RYR1: variants seen among roughly 807,000 people sequenced by gnomAD.
RYR1 encodes the protein ryanodine receptor 1, also known as central core disease of muscle.
Under a neutral mutation model 583.5 loss-of-function variants are expected in RYR1, and 342 were observed. The ratio of observed to expected loss-of-function variants is 0.59; its 90% confidence interval spans 0.54 to 0.64. The LOEUF (loss-of-function observed/expected upper bound fraction) is 0.64, where lower values mean the gene tolerates loss of function less well. Ranked by LOEUF, RYR1 falls within the 30% of genes least tolerant of loss-of-function variation. RYR1 has a pLI of 0.00. For missense variants in RYR1, 6,032 were observed against 6,917.2 expected (o/e 0.87, Z 4.54); for synonymous variants, 2,791 against 2,822.5 (o/e 0.99, Z 0.35).
intron 101 of RYR1, among the ~76,000 whole-genome samples, chr19:38,583,498 G>A (rs1974310658): frequency 6.7e-6 from 1 of 148,792 alleles, no homozygotes; most frequent in African/African-American, 2.5e-5. Flanking sequence ...AAAAACATAT[G>A]TAAAGTTGTT....
At position 38,458,610 on chromosome 19, in the gene RYR1, TTTTGTTTG is replaced by T. The variant is rs201257740; in HGVS notation, c.2167+338_2167+345del. On this transcript the variant is annotated intron_variant, in intron 18 of 105. Transcript: ENST00000359596. ...CCAGGAGAATTTATTTATTTATTTA[TTTTGTTTG>T]TTTGTTTGTTTGTTTGTTTATTTTG... is the stretch of plus-strand genomic sequence containing the variant. Among the ~76,000 whole-genome samples the T allele has an allele frequency of 5.4e-5, 8 of 148,878 alleles. No individual in the cohort carries two copies. The South Asian group carries it at 6.3e-4, about 12-fold the overall frequency.
chr19:38,464,727 G>C lies in RYR1; in HGVS notation c.2870+5G>C. 6.3e-7 allele frequency: 1 copy of C among 1,574,910 alleles called. No individual in the cohort carries two copies. The highest frequency in any genetic ancestry group is 8.6e-7 in the Non-Finnish European group (1 of 1,159,874). ...GAAGACAAAACTCCCCAAGACGTGA[G>C]TGTGGGCAGCCAGGTCCCGTCTGGG... On this transcript the variant is annotated splice_donor_5th_base_variant and intron_variant, in intron 23 of 105. Transcript: ENST00000359596.
chr19:38,496,552 C>T lies in RYR1; in HGVS notation c.6796+11C>T, dbSNP rs764746948. On this transcript the variant is annotated intron_variant, in intron 41 of 105. Transcript: ENST00000359596. This position sits in a 1 kb window ranked among gnomAD's most constrained non-coding sequence, Gnocchi z 4.8. Reference sequence around the variant, plus strand: ...GTGGCATCGGCCTGGGTGAGAACCCCCGAGCCCAGGGGCTGTCCCCCAGAA... The same window carrying T: ...GTGGCATCGGCCTGGGTGAGAACCCTCGAGCCCAGGGGCTGTCCCCCAGAA... 2.5e-6 allele frequency: 4 copies of T among 1,613,152 alleles called. No homozygotes were observed. The Admixed American group carries it at 5.0e-5, about 20-fold the overall frequency.
At chr19:38,540,427 T>C (rs1972148113) in intron 84 of RYR1, among the ~76,000 whole-genome samples, 1 of 125,898 alleles carries the variant, frequency 7.9e-6, no homozygotes, top group Non-Finnish European at 1.6e-5. Context: ...TATACTACAG[T>C]ATAATAAACC....
intron 71 of RYR1, 91 bp downstream of exon 71, chr19:38,525,593 C>A: frequency 7.2e-7 from 1 of 1,386,150 alleles, no homozygotes; most frequent in South Asian, 1.2e-5. Context: ...CACAATGCCA[C>A]TGAGCCCCCC....
In RYR1 at chr19:38,527,649, C is replaced by G. The variant is rs1442635383; in HGVS notation, c.10689C>G (p.Val3563=). Residue 3563 remains valine (V), a splice_region_variant and synonymous_variant, in exon 73 of 106, where the codon GTC becomes GTG. Transcript: ENST00000359596. ...LHNNLHLQGK[V]EGSPSLRWQM... ...CCACTCCTTCTTCCTCCCTTCAGGT[C>G]GAAGGCTCCCCGTCTCTGCGCTGGC... 9 of 1,614,016 alleles carry G rather than the reference C, an allele frequency of 5.6e-6. No individual in the cohort carries two copies. The highest frequency in any genetic ancestry group is 2.2e-5 in the East Asian group (1 of 44,874).
chr19:38,463,153 C>CA (rs1277451802), intron 20 of RYR1, among the ~76,000 whole-genome samples: 1 of 78,108 alleles, frequency 1.3e-5, no homozygotes, highest in Non-Finnish European at 3.3e-5. Flanking sequence ...CCCCCCCCCC[C>CA]CCACTTAGCC....
rs560450545 is a variant in RYR1, at chr19:38,506,629, C to T, written c.8692+83C>T. 195 of 1,546,712 alleles carry T rather than the reference C, an allele frequency of 1.3e-4. 1 individual carries two copies. Among genetic ancestry groups the T allele is most frequent in the South Asian group, 1.1e-3 (93 of 88,172 alleles). On this transcript the variant is annotated intron_variant, in intron 56 of 105. Coordinates refer to ENST00000359596, the MANE Select transcript of RYR1 (RefSeq NM_000540.3). ...TGATTGCCTTCATGCCCCTGAAACTCGGTTTCTCCATCTGTAGATGGGAAT... is the reference window on the plus strand; with the variant it reads ...TGATTGCCTTCATGCCCCTGAAACTTGGTTTCTCCATCTGTAGATGGGAAT...
intron 87 of RYR1, among the ~76,000 whole-genome samples, chr19:38,545,037 T>C (rs759547191): frequency 8.6e-5 from 13 of 151,806 alleles, no homozygotes; most frequent in Admixed American, 2.0e-4. Flanking sequence ...TTAACAGCCC[T>C]AGAGGGAAGA....
rs1404988250 is a variant in RYR1 at position 38,499,461 on chromosome 19, C to T, written c.7028-174C>T. 1.1e-4 allele frequency among the ~76,000 whole-genome samples: 13 copies of T among 121,658 alleles called. No individual in the cohort carries two copies. The East Asian group carries it at 1.1e-3, about 10-fold the overall frequency. 79.8% of individuals were successfully genotyped at this position (121,658 alleles called of 152,430 possible). A position where few individuals can be genotyped will look rare whatever the true frequency, so the allele number is the denominator to read the frequency against. ...GGGGCTGGCGGGAGCCTGGTGTTAC[C>T]CCTAGAGGTGTTGGGTCCTGGGGCT... On this transcript the variant is annotated intron_variant, in intron 43 of 105. Transcript: ENST00000359596. This position sits in a 1 kb window ranked among gnomAD's most constrained non-coding sequence, Gnocchi z 7.3.
At chr19:38,547,595 T>G (rs899447980) in intron 88 of RYR1, among the ~76,000 whole-genome samples, 12 of 152,186 alleles carry the variant, frequency 7.9e-5, no homozygotes, top group Admixed American at 7.2e-4. Context: ...TATGTAACTT[T>G]GAGTGCATGA....
At position 38,468,941 on chromosome 19, in the gene RYR1, A is replaced by G. The variant is rs754795127; in HGVS notation, c.3382-25A>G. The G allele has an allele frequency of 2.5e-6, 4 of 1,613,096 alleles. No homozygotes were observed. In the South Asian group the frequency reaches 4.4e-5, roughly 18 times the overall value. Reference sequence around the variant, plus strand: ...ATTTCTCTGTGTGTCTCCCCACACCATGTCTTCTCTGGCTGTCCTCACAGG... The same window carrying G: ...ATTTCTCTGTGTGTCTCCCCACACCGTGTCTTCTCTGGCTGTCCTCACAGG... On this transcript the variant is annotated intron_variant, in intron 25 of 105. Coordinates refer to ENST00000359596, the MANE Select transcript of RYR1 (RefSeq NM_000540.3).
chr19:38,546,364 G>GGGTA (rs1972424056), intron 87 of RYR1, 81 bp from the exon 88 acceptor site: 4 of 1,221,606 alleles, frequency 3.3e-6, no homozygotes, highest in Admixed American at 1.7e-5. Flanking sequence ...AGGCCCTGCT[G>GGGTA]GGTAGGTGAG....
Position 38,455,512 on chromosome 19 carries a change from G to A in RYR1, c.1638G>A (p.Leu546=). Residue 546 remains leucine (L), a synonymous_variant, in exon 15 of 106, where the codon CTG becomes CTA. Transcript: ENST00000359596. ...CALFSTNLDW[L]VSKLDRLEAS... is the part of the protein sequence containing the mutation. ...TCTTCTCCACAAACTTGGACTGGCT[G>A]GTCAGCAAGCTGGATCGGCTGGAGG... The A allele has an allele frequency of 1.2e-6, 2 of 1,614,140 alleles. No individual in the cohort carries two copies.
intron 89 of RYR1, among the ~76,000 whole-genome samples, chr19:38,551,425 T>A (rs943598852): frequency 6.6e-6 from 1 of 152,034 alleles, no homozygotes; most frequent in African/African-American, 2.4e-5. Flanking sequence ...ACTGGCCATC[T>A]GCACTTAGGT....
At chr19:38,492,695 G>A (rs1367674776) in intron 38 of RYR1, 59 bp downstream of exon 38, 12 of 1,530,424 alleles carry the variant, frequency 7.8e-6, no homozygotes, top group South Asian at 1.2e-5. Flanking sequence ...CCATGCCTGC[G>A]GAGCCTCTGG....
chr19:38,536,352 G>A (rs1366858998), intron 82 of RYR1, among the ~76,000 whole-genome samples: 6 of 133,268 alleles, frequency 4.5e-5, no homozygotes, highest in African/African-American at 8.4e-5. Flanking sequence ...CACCCTCCAC[G>A]TGCCCCAAAT....
chr19:38,563,022 C>T (rs1330196965), intron 90 of RYR1, among the ~76,000 whole-genome samples: 1 of 152,198 alleles, frequency 6.6e-6, no homozygotes, highest in Non-Finnish European at 1.5e-5. Flanking sequence ...CTGCAGGAAG[C>T]CCCTGTTCAC....
At chr19:38,485,421 A>G (rs969974924) in intron 33 of RYR1, among the ~76,000 whole-genome samples, 169 bp from the exon 34 acceptor site, 1 of 152,204 alleles carries the variant, frequency 6.6e-6, no homozygotes, top group Non-Finnish European at 1.5e-5. Flanking sequence ...TCTGTCTCCC[A>G]TCTTCTCCCA....
Sources: allele counts gnomAD v4.1 joint callset (sites outside exome capture counted in the v4.1 genomes callset), GRCh38; gene constraint gnomAD v4.1.1; non-coding constraint Gnocchi (gnomAD v3.1); transcripts MANE v1.5; gene names NCBI Gene and HGNC (gene_info 2026-07-23, HGNC 2026-07-21).